Variants in ENO3 observed in about 807,000 individuals in gnomAD.
ENO3 encodes the protein beta-enolase.
ENO3 carries 46 observed loss-of-function variants against 47.7 expected under a neutral mutation model. That is an observed-to-expected ratio of 0.96 (90% CI 0.76 to 1.23). The LOEUF is 1.23. Among genes scored for constraint, ENO3 ranks in the 50% most tolerant of loss-of-function variants. The pLI, the probability that ENO3 is intolerant of heterozygous loss-of-function variation, is 0.00. For missense variants in ENO3, 575 were observed against 566.2 expected (o/e 1.02, Z -0.16); for synonymous variants, 223 against 225.9 (o/e 0.99, Z 0.11).
chr17:4,956,289 G>C (rs910548992), intron 9 of ENO3, 146 bp downstream of exon 9: 20 of 1,052,932 alleles, frequency 1.9e-5, no homozygotes, highest in Non-Finnish European at 2.4e-5. Context: ...GACTTTGTTT[G>C]ACTAATCCTT....
At chr17:4,954,115 C>A (rs2151141717) in intron 6 of ENO3, 2 of 563,052 alleles carry the variant, frequency 3.6e-6, no homozygotes, top group South Asian at 4.1e-5. Context: ...TCGTTCCAAC[C>A]CCACACCCTA....
At chr17:4,951,995 C>G in intron 2 of ENO3, 81 bp downstream of exon 2, 1 of 1,443,312 alleles carries the variant, frequency 6.9e-7, no homozygotes, top group Non-Finnish European at 9.7e-7. Context: ...GTGCCATATC[C>G]TCTCCTTTCT....
rs777156239 is a variant in ENO3, at chr17:4,957,077, C to T, written c.*30C>T. On this transcript the variant is annotated 3_prime_UTR_variant, in exon 12 of 12. Transcript: ENST00000519602. ...CTGGAGGCTCCAGGACTCCACTGGA[C>T]AGACCCAGGTCTTCCAGACCTGCTT... The T allele has an allele frequency of 1.2e-6, 2 of 1,613,260 alleles. No individual in the cohort carries two copies. The highest frequency in any genetic ancestry group is 3.3e-5 in the Admixed American group (2 of 60,008).
intron 8 of ENO3, 138 bp from the exon 9 acceptor site, chr17:4,955,804 G>A (rs1432272265): frequency 2.5e-6 from 3 of 1,183,848 alleles, no homozygotes; most frequent in Non-Finnish European, 3.7e-6. Flanking sequence ...CCCTGTCTCT[G>A]CCTTGTCTCT....
rs1012805249 is a variant in ENO3, at chr17:4,951,160, A to G, written c.-25A>G. The stretch of plus-strand genomic sequence containing the variant: ...CCACCTAGACTCGGAGCTCCATCCA[A>G]ACCTCCAGCGAAGACATCCCAGGTC... On this transcript the variant is annotated 5_prime_UTR_variant, in exon 1 of 12. Coordinates refer to ENST00000519602, the MANE Select transcript of ENO3 (RefSeq NM_053013.4). The G allele has an allele frequency of 1.0e-6, 1 of 989,636 alleles. No individual in the cohort carries two copies. Among genetic ancestry groups the G allele is most frequent in the African/African-American group, 1.7e-5 (1 of 57,220 alleles). The allele number at this position is 989,636 out of a possible 1,614,324, so 61.3% of individuals were successfully genotyped here. A position where few individuals can be genotyped will look rare whatever the true frequency, so the allele number is the denominator to read the frequency against.
chr17:4,955,121 C>T lies in ENO3; in HGVS notation c.491C>T (p.Ala164Val), dbSNP rs1264869315. 1 of 1,614,044 alleles carries T rather than the reference C, an allele frequency of 6.2e-7. No individual in the cohort carries two copies. Among genetic ancestry groups the T allele is most frequent in the East Asian group, 2.2e-5 (1 of 44,884 alleles). Reference protein sequence around the residue: ...NGGSHAGNKLAMQEFMILPVG... With the variant: ...NGGSHAGNKLVMQEFMILPVG... ...GGCTCCCATGCTGGAAACAAGCTGG[C>T]CATGCAGGAGTTCATGATTCTGCCT... Residue 164 changes from alanine to valine, a missense_variant, in exon 7 of 12, where the codon GCC becomes GTC. Ala to Val is a moderately conservative substitution (Grantham distance 64). Transcript: ENST00000519602.
At chr17:4,950,412 G>A (rs1476972966), upstream of ENO3, 3 of 247,738 alleles carry the variant, frequency 1.2e-5, no homozygotes, top group African/African-American at 2.3e-5. Context: ...GGCTGGGGCC[G>A]TGCGCTGAGC....
rs1393949019 is a variant in ENO3 at position 4,955,167 on chromosome 17, G to A, written c.537G>A (p.Lys179=). ...TGCCTGTGGGAGCCAGCTCCTTCAA[G>A]GAAGCCATGCGCATTGGCGCCGAGG... is the stretch of plus-strand genomic sequence containing the variant. ...MILPVGASSF[K]EAMRIGAEVY... is the part of the protein sequence containing the mutation. Residue 179 remains lysine, a synonymous_variant, in exon 7 of 12, where the codon AAG becomes AAA. Coordinates refer to ENST00000519602, the MANE Select transcript of ENO3 (RefSeq NM_053013.4). 1.2e-6 allele frequency: 2 copies of A among 1,614,234 alleles called. No individual in the cohort carries two copies. The highest frequency in any genetic ancestry group is 2.2e-5 in the South Asian group (2 of 91,092).
In ENO3 at chr17:4,955,383, G is replaced by C. The variant is rs374238539; in HGVS notation, c.668-24G>C. On this transcript the variant is annotated intron_variant, in intron 7 of 11. Transcript: ENST00000519602. ...GCAGACAAGGGGCACTGGAGTCTCAGGTCCTTTCTTGGTCCTCCCCCAGCC... is the reference window on the plus strand; with the variant it reads ...GCAGACAAGGGGCACTGGAGTCTCACGTCCTTTCTTGGTCCTCCCCCAGCC... The C allele has an allele frequency of 1.2e-5, 20 of 1,614,124 alleles. 1 individual carries two copies. In the South Asian group the frequency reaches 2.0e-4, roughly 16 times the overall value.
At chr17:4,950,710 C>A, upstream of ENO3, 1 of 974,274 alleles carries the variant, frequency 1.0e-6, no homozygotes, top group Non-Finnish European at 1.2e-6. Flanking sequence ...GCGATCTGAG[C>A]ATGTGTGGAC....
At chr17:4,948,727 G>A (rs752545598), upstream of ENO3, 2 of 329,246 alleles carry the variant, frequency 6.1e-6, no homozygotes, top group Non-Finnish European at 1.1e-5. Flanking sequence ...TCGATGGAAA[G>A]CAATGCAGAA....
At chr17:4,954,107 G>C in intron 6 of ENO3, 1 of 576,932 alleles carries the variant, frequency 1.7e-6, no homozygotes, top group Admixed American at 3.0e-5. Context: ...CTCCAGCCTC[G>C]TTCCAACCCC....
chr17:4,951,746 G>A, intron 1 of ENO3, 82 bp from the exon 2 acceptor site: 1 of 1,475,416 alleles, frequency 6.8e-7, no homozygotes, highest in Non-Finnish European at 9.5e-7. Context: ...TCTTGGAGTG[G>A]GGAAGAATCT....
In ENO3 at chr17:4,953,359, G is replaced by A. The variant is rs768163624; in HGVS notation, c.310+18G>A. 21 of 1,614,220 alleles carry A rather than the reference G, an allele frequency of 1.3e-5. No individual in the cohort carries two copies. The highest frequency in any genetic ancestry group is 7.7e-5 in the South Asian group (7 of 91,080). On this transcript the variant is annotated intron_variant, in intron 5 of 11. Transcript: ENST00000519602. ...GAATAAGTGTGAGTGAAGGGCTAGCGGTGGGGAAGGGATGAGGTGTGGGAG... is the reference window on the plus strand; with the variant it reads ...GAATAAGTGTGAGTGAAGGGCTAGCAGTGGGGAAGGGATGAGGTGTGGGAG...
At chr17:4,953,002 A>G in intron 3 of ENO3, 49 bp from the exon 4 acceptor site, 1 of 1,613,106 alleles carries the variant, frequency 6.2e-7, no homozygotes, top group Non-Finnish European at 8.5e-7. Context: ...GGTCCACAGA[A>G]AGGGGCCCAG....
At chr17:4,949,301 T>A (rs1335692243), upstream of ENO3, 1 of 152,300 alleles carries the variant, frequency 6.6e-6, no homozygotes, top group Non-Finnish European at 1.5e-5. Context: ...CAGGTTGGGT[T>A]CACCAGGGCC....
chr17:4,955,372 C>A, intron 7 of ENO3, 35 bp from the exon 8 acceptor site: 3 of 1,614,228 alleles, frequency 1.9e-6, no homozygotes, highest in Non-Finnish European at 2.5e-6. Context: ...ACAAGGGGCA[C>A]TGGAGTCTCA....
chr17:4,951,843 A>C lies in ENO3; in HGVS notation c.14A>C (p.Lys5Thr). 6.2e-7 allele frequency: 1 copy of C among 1,614,094 alleles called. No homozygotes were observed. Among genetic ancestry groups the C allele is most frequent in the South Asian group, 1.1e-5 (1 of 91,076 alleles). MAMQ[K>T]IFAREILDSR... ...TGTCCTGCAGCCATGGCCATGCAGA[A>C]AATCTTTGCCCGGGAAATCTTGGAC... The change falls in exon 2 of 12, where the codon AAA becomes ACA. Residue 5 changes from lysine to threonine, a missense_variant. Transcript: ENST00000519602.
chr17:4,951,050 AAG>A (rs961074425), upstream of ENO3: 1 of 986,202 alleles, frequency 1.0e-6, no homozygotes, highest in Non-Finnish European at 1.2e-6. Flanking sequence ...GATGGAGAGA[AAG>A]AGAGGCGGGG....
Sources: allele counts gnomAD v4.1 joint callset, GRCh38; gene constraint gnomAD v4.1.1; transcripts MANE v1.5; gene names NCBI Gene and HGNC (gene_info 2026-07-23, HGNC 2026-07-21).